Variants in PCDHGA8 observed in about 807,000 individuals in gnomAD.
The protein encoded by PCDHGA8 is protocadherin gamma subfamily A, 8.
Under a neutral mutation model 59.2 loss-of-function variants are expected in PCDHGA8, and 45 were observed. The observed-to-expected ratio is 0.76, with a 90% CI of 0.60 to 0.98. The LOEUF is 0.98. Among genes scored for constraint, PCDHGA8 ranks in the 50% least tolerant of loss-of-function variants. The probability of loss-of-function intolerance (pLI) is 0.00; values close to 1 mark genes in which losing one functional copy is unlikely to be tolerated. For synonymous variants in PCDHGA8, 531 were observed against 519.0 expected, an observed-to-expected ratio of 1.02 and a Z score of -0.32; for missense variants, 1,257 against 1,196.2, an observed-to-expected ratio of 1.05 and a Z score of -0.75.
intron 1 of PCDHGA8, chr5:141,410,268 A>C: frequency 6.2e-7 from 1 of 1,613,994 alleles, no homozygotes. Context: ...GCTGAACTGC[A>C]GTTTTACCTG....
intron 1 of PCDHGA8, among the ~76,000 whole-genome samples, chr5:141,448,434 G>A (rs2098588755): frequency 1.3e-5 from 2 of 152,052 alleles, no homozygotes; most frequent in Non-Finnish European, 2.9e-5. Context: ...TATATATTGA[G>A]AAGTCTGACT....
At chr5:141,498,467 G>C (rs535351060) in intron 2 of PCDHGA8, among the ~76,000 whole-genome samples, 1 of 152,116 alleles carries the variant, frequency 6.6e-6, no homozygotes, top group East Asian at 1.9e-4. Context: ...GTCTAACCCT[G>C]GTTCCAGCCT....
At chr5:141,439,934 G>T (rs1477526863) in intron 1 of PCDHGA8, 2 of 152,382 alleles carry the variant, frequency 1.3e-5, no homozygotes, top group Admixed American at 1.3e-4. Context: ...ATCCTGCTGG[G>T]CATTCTCTAT....
At chr5:141,437,939 T>C (rs1055613655) in intron 1 of PCDHGA8, among the ~76,000 whole-genome samples, 3 of 152,152 alleles carry the variant, frequency 2.0e-5, no homozygotes, top group African/African-American at 7.2e-5. Flanking sequence ...GGTTTCACCA[T>C]ATTGGCCAGA....
intron 1 of PCDHGA8, among the ~76,000 whole-genome samples, chr5:141,457,155 A>G (rs1403164805): frequency 1.3e-5 from 2 of 152,216 alleles, no homozygotes; most frequent in Admixed American, 6.5e-5. Flanking sequence ...AGAAGGTGCT[A>G]CCATGGATAA....
At chr5:141,436,256 C>T (rs953463822) in intron 1 of PCDHGA8, among the ~76,000 whole-genome samples, 1 of 152,100 alleles carries the variant, frequency 6.6e-6, no homozygotes, top group South Asian at 2.1e-4. Context: ...TTATTCTGAC[C>T]TCTGCTCACC....
At chr5:141,504,378 C>T (rs2099837786) in intron 2 of PCDHGA8, among the ~76,000 whole-genome samples, 1 of 152,052 alleles carries the variant, frequency 6.6e-6, no homozygotes, top group Non-Finnish European at 1.5e-5. Flanking sequence ...CAGGTGGAGT[C>T]GCTGCCTCAC....
chr5:141,403,135 GCGCCGAGTC>G, intron 1 of PCDHGA8: 4 of 1,614,064 alleles, frequency 2.5e-6, no homozygotes, highest in Non-Finnish European at 3.4e-6. Context: ...AGCTGGCGGA[GCGCCGAGTC>G]CGCATCGTCT....
intron 1 of PCDHGA8, among the ~76,000 whole-genome samples, chr5:141,454,829 A>T (rs2098803417): frequency 1.4e-5 from 1 of 70,192 alleles, no homozygotes. Context: ...TTTTTTTGAG[A>T]CAGAGTCGCG....
chr5:141,420,047 G>C (rs1242042066), intron 1 of PCDHGA8: 1 of 1,613,958 alleles, frequency 6.2e-7, no homozygotes, highest in East Asian at 2.2e-5. Flanking sequence ...CTTTGAGTCA[G>C]TTCTCTGCTC....
chr5:141,430,521 A>G, intron 1 of PCDHGA8: 1 of 350,390 alleles, frequency 2.9e-6, no homozygotes, highest in Non-Finnish European at 5.1e-6. Context: ...TTGTGCAGTA[A>G]TTGGTTAGGA....
rs1372671941 is a variant in PCDHGA8, at chr5:141,395,093, C to T, written c.2280C>T (p.Thr760=). The change falls in exon 1 of 4, where the codon ACC becomes ACT. Residue 760 remains threonine (T), a synonymous_variant. Coordinates refer to ENST00000398604, the MANE Select transcript of PCDHGA8 (RefSeq NM_032088.2). ...CCTATTCCCAGGAAGTCTCCCTCAC[C>T]GCCGACTCGCGGAAGAGTCACCTGA... ...LQTYSQEVSL[T]ADSRKSHLIF... 6.2e-7 allele frequency: 1 copy of T among 1,614,158 alleles called. No homozygotes were observed. The highest frequency in any genetic ancestry group is 8.5e-7 in the Non-Finnish European group (1 of 1,180,042).
chr5:141,403,033 G>T (rs764461706), intron 1 of PCDHGA8: 1 of 1,614,056 alleles, frequency 6.2e-7, no homozygotes, highest in Non-Finnish European at 8.5e-7. Flanking sequence ...GGGAGGCCAG[G>T]GCCAGTCAGA....
intron 1 of PCDHGA8, chr5:141,399,540 C>T (rs775910113): frequency 9.3e-6 from 15 of 1,614,052 alleles, no homozygotes; most frequent in Non-Finnish European, 1.3e-5. Context: ...CGCAAGTCTG[C>T]GCCTCGGACC....
At chr5:141,400,017 C>T in intron 1 of PCDHGA8, 1 of 1,612,778 alleles carries the variant, frequency 6.2e-7, no homozygotes. Context: ...CCTTGGGCGA[C>T]AGGGACGCGG....
intron 2 of PCDHGA8, among the ~76,000 whole-genome samples, chr5:141,502,905 A>T (rs1364939091): frequency 1.5e-5 from 2 of 131,814 alleles, no homozygotes; most frequent in Non-Finnish European, 3.0e-5. Flanking sequence ...CTCTGTTGCC[A>T]GGCTGGAGTG....
chr5:141,483,445 C>T (rs1332037230), intron 1 of PCDHGA8, among the ~76,000 whole-genome samples: 1 of 152,106 alleles, frequency 6.6e-6, no homozygotes, highest in Admixed American at 6.5e-5. Context: ...ACAATAAAAT[C>T]ATCAGGACTT....
intron 1 of PCDHGA8, among the ~76,000 whole-genome samples, chr5:141,429,780 A>G (rs1301908729): frequency 1.3e-5 from 2 of 152,222 alleles, no homozygotes; most frequent in Non-Finnish European, 2.9e-5. Flanking sequence ...ATGGGCTTCC[A>G]AAAGTATTAC....
rs143252334 is a variant in PCDHGA8 at position 141,431,395 on chromosome 5, T to A, written c.2424+36158T>A. On this transcript the variant is annotated intron_variant, in intron 1 of 3. Transcript: ENST00000398604. The surrounding 1 kb of genome is among the most constrained non-coding windows in gnomAD (Gnocchi z 4.8). ...AAAAGGCTGCTCACCACCTGGTCCT[T>A]ACGGCCTCCGACGGGGGCGACCCGG... 2 of 1,613,720 alleles carry A rather than the reference T, an allele frequency of 1.2e-6. No individual in the cohort carries two copies. Among genetic ancestry groups the A allele is most frequent in the African/African-American group, 2.7e-5 (2 of 74,950 alleles).
Sources: gnomAD v4.1 joint callset for allele counts (sites outside exome capture counted in the v4.1 genomes callset) on GRCh38, gnomAD v4.1.1 for gene constraint, Gnocchi (gnomAD v3.1) non-coding constraint, MANE v1.5 for transcripts, NCBI Gene and HGNC (gene_info 2026-07-23, HGNC 2026-07-21) for gene names.